AAK1: variants seen among roughly 807,000 people sequenced by gnomAD.
The protein encoded by AAK1 is AP2-associated protein kinase 1.
Under a neutral mutation model 116.0 loss-of-function variants are expected in AAK1, and 37 were observed. That is an observed-to-expected ratio of 0.32 (90% CI 0.25 to 0.42). AAK1 has a LOEUF of 0.42. AAK1 is among the 10% of genes least tolerant of loss of function. AAK1 has a pLI of 1.00. For synonymous variants in AAK1, 458 were observed against 439.9 expected, an observed-to-expected ratio of 1.04 and a Z score of -0.51; for missense variants, 919 against 1,170.6, an observed-to-expected ratio of 0.79 and a Z score of 3.14.
intron 2 of AAK1, among the ~76,000 whole-genome samples, chr2:69,607,432 T>C (rs1346819815): frequency 1.3e-5 from 2 of 152,196 alleles, no homozygotes; most frequent in Admixed American, 1.3e-4. Context: ...TTTCTGATGA[T>C]GCGTTAACAC....
Position 69,521,046 on chromosome 2 carries a change from G to A in AAK1, c.1056-58C>T, listed in dbSNP as rs1669755071. ...AGTATGGGAAAAATGGAAGGGAGTG[G>A]GCAGAGGACACAATGCTTCCGCTTC... On this transcript the variant is annotated intron_variant, in intron 10 of 21. Coordinates refer to ENST00000409085, the MANE Select transcript of AAK1 (RefSeq NM_014911.5). 4 of 1,579,056 alleles carry A rather than the reference G, an allele frequency of 2.5e-6. No individual in the cohort carries two copies. In the East Asian group the frequency reaches 6.7e-5, roughly 27 times the overall value.
At chr2:69,527,102 C>T (rs951275915) in intron 9 of AAK1, 114 bp downstream of exon 9, 12 of 726,040 alleles carry the variant, frequency 1.7e-5, no homozygotes, top group Non-Finnish European at 2.6e-5. Context: ...TGACTACCCC[C>T]AGTAGATAAA....
chr2:69,623,276 G>A (rs11891456), intron 2 of AAK1, among the ~76,000 whole-genome samples: 20,051 of 152,068 alleles, frequency 0.13, 3,062 homozygotes, highest in African/African-American at 0.36. Context: ...GCGAGGGTCC[G>A]CGGCTTCATT....
chr2:69,489,172 C>G (rs550786440), intron 17 of AAK1, among the ~76,000 whole-genome samples: 1 of 151,386 alleles, frequency 6.6e-6, no homozygotes, highest in South Asian at 2.1e-4. Flanking sequence ...AAAAGAGAAG[C>G]CGGCTATGGG....
intron 2 of AAK1, among the ~76,000 whole-genome samples, chr2:69,560,874 G>T (rs137994321): frequency 0.011 from 1,640 of 152,304 alleles, 32 homozygotes; most frequent in African/African-American, 0.037. Context: ...TACTTAAGGT[G>T]TCTACAGAAG....
intron 6 of AAK1, chr2:69,531,525 G>T: frequency 1.0e-6 from 1 of 959,082 alleles, no homozygotes; most frequent in South Asian, 4.8e-5. Context: ...TCTTATTGGA[G>T]TCACAAATCT....
intron 8 of AAK1, among the ~76,000 whole-genome samples, chr2:69,527,839 C>T (rs1404460645): frequency 6.6e-6 from 1 of 152,178 alleles, no homozygotes; most frequent in African/African-American, 2.4e-5. Context: ...GATCACTTGT[C>T]TATTTCCAGG....
chr2:69,474,705 T>C lies in AAK1; in HGVS notation c.*1164A>G, dbSNP rs1050643292. On this transcript the variant is annotated 3_prime_UTR_variant, in exon 22 of 22. Coordinates refer to ENST00000409085, the MANE Select transcript of AAK1 (RefSeq NM_014911.5). The stretch of plus-strand genomic sequence containing the variant: ...CTGAAAATAAACAACATGCTTATTC[T>C]AGAGACAGAGGACCTGCTGAAAGCT... 3.6e-5 allele frequency: 35 copies of C among 985,686 alleles called. No homozygotes were observed. Among genetic ancestry groups the C allele is most frequent in the Non-Finnish European group, 3.9e-5 (32 of 829,936 alleles). 61.1% of individuals were successfully genotyped at this position (985,686 alleles called of 1,614,324 possible).
intron 2 of AAK1, among the ~76,000 whole-genome samples, chr2:69,584,814 C>T (rs977961774): frequency 6.6e-6 from 1 of 152,192 alleles, no homozygotes; most frequent in African/African-American, 2.4e-5. Flanking sequence ...ACCTCGATTA[C>T]TCACCAGGAA....
chr2:69,526,967 T>C (rs1670052013), intron 9 of AAK1, among the ~76,000 whole-genome samples: 1 of 152,182 alleles, frequency 6.6e-6, no homozygotes, highest in Non-Finnish European at 1.5e-5. Flanking sequence ...TCAATCTTCA[T>C]CCAAAGCGTC....
At position 69,555,178 on chromosome 2, in the gene AAK1, C is replaced by A. The variant is rs373694085; in HGVS notation, c.282+1682G>T. ...CAAATAATGAGAAGCAGCCAGAAAA[C>A]CCACTGCGTGTGTGAAGGAAGATAC... On this transcript the variant is annotated intron_variant, in intron 3 of 21. Coordinates refer to ENST00000409085, the MANE Select transcript of AAK1 (RefSeq NM_014911.5). 6.6e-4 allele frequency among the ~76,000 whole-genome samples: 101 copies of A among 152,264 alleles called. 1 individual carries two copies. In the South Asian group the frequency reaches 0.02, roughly 31 times the overall value.
intron 2 of AAK1, among the ~76,000 whole-genome samples, chr2:69,611,972 A>G (rs1435499099): frequency 6.6e-6 from 1 of 152,208 alleles, no homozygotes; most frequent in Non-Finnish European, 1.5e-5. Flanking sequence ...AGAAAGTAGA[A>G]TGGTGGCTGC....
rs878955500 is a variant in AAK1, at chr2:69,542,741, C to A, written c.392-76G>T. On this transcript the variant is annotated intron_variant, in intron 4 of 21. Coordinates refer to ENST00000409085, the MANE Select transcript of AAK1 (RefSeq NM_014911.5). ...TCATTTAGTCTAAGAGAATGAACGG[C>A]GTCCAAAGAGAAGCAGTCTGGACTA... is the stretch of plus-strand genomic sequence containing the variant. 26 of 1,519,316 alleles carry A rather than the reference C, an allele frequency of 1.7e-5. No individual in the cohort carries two copies. The South Asian group carries it at 2.9e-4, about 17-fold the overall frequency. 94.1% of individuals were successfully genotyped at this position (1,519,316 alleles called of 1,614,324 possible).
chr2:69,492,518 C>G (rs867788520), intron 17 of AAK1, among the ~76,000 whole-genome samples: 2 of 83,400 alleles, frequency 2.4e-5, no homozygotes, highest in Non-Finnish European at 4.2e-5. Context: ...CTGGCCAATT[C>G]TTTTTTTTTT....
intron 2 of AAK1, among the ~76,000 whole-genome samples, chr2:69,629,120 C>T (rs1675047000): frequency 6.6e-6 from 1 of 152,222 alleles, no homozygotes; most frequent in Non-Finnish European, 1.5e-5. Context: ...TCCCCATCTT[C>T]TTTGAGGTTC....
rs564317180 is a variant in AAK1 at position 69,463,697 on chromosome 2, G to A, written c.*12172C>T. 1.3e-5 allele frequency: 2 copies of A among 152,442 alleles called. No homozygotes were observed. Among genetic ancestry groups the A allele is most frequent in the East Asian group, 3.9e-4 (2 of 5,190 alleles). 9.4% of individuals were successfully genotyped at this position (152,442 alleles called of 1,614,324 possible). ...CAGCTAATTTTTTGTATTTTTAGTA[G>A]AGATGGGGTTTCACCATGTTGGCCA... On this transcript the variant is annotated 3_prime_UTR_variant, in exon 22 of 22. Coordinates refer to ENST00000409085, the MANE Select transcript of AAK1 (RefSeq NM_014911.5).
chr2:69,640,080 C>CTCTCTCTCTCTCT (rs1491472917), intron 2 of AAK1, among the ~76,000 whole-genome samples: 5 of 128,688 alleles, frequency 3.9e-5, no homozygotes, highest in African/African-American at 1.5e-4. Context: ...CTCTCTCTCT[C>CTCTCTCTCTCTCT]CCCCCCCACA....
intron 2 of AAK1, among the ~76,000 whole-genome samples, chr2:69,618,605 C>G (rs1233029838): frequency 1.3e-5 from 2 of 152,186 alleles, no homozygotes; most frequent in Non-Finnish European, 2.9e-5. Context: ...TGCCACGTGG[C>G]TACACTGGCT....
chr2:69,637,395 T>G (rs1265079485), intron 2 of AAK1, among the ~76,000 whole-genome samples: 1 of 152,182 alleles, frequency 6.6e-6, no homozygotes, highest in East Asian at 1.9e-4. Context: ...GTCTCATTTA[T>G]CTCCGCATGA....
Sources: allele counts gnomAD v4.1 joint callset (sites outside exome capture counted in the v4.1 genomes callset), GRCh38; gene constraint gnomAD v4.1.1; transcripts MANE v1.5; gene names NCBI Gene and HGNC (gene_info 2026-07-23, HGNC 2026-07-21).